Variants in TNNI3K observed in about 807,000 individuals in gnomAD.
TNNI3K encodes serine/threonine-protein kinase TNNI3K.
TNNI3K carries 140 observed loss-of-function variants against 114.5 expected under a neutral mutation model. The ratio of observed to expected loss-of-function variants is 1.22; its 90% CI spans 1.07 to 1.41. The LOEUF (loss-of-function observed/expected upper bound fraction) is 1.41. Among genes scored for constraint, TNNI3K ranks in the 40% most tolerant of loss-of-function variants. The pLI is 0.00. For synonymous variants in TNNI3K, 347 were observed against 347.5 expected (o/e 1.00, Z 0.02); for missense variants, 1,125 against 1,007.6 (o/e 1.12, Z -1.58).
chr1:74,360,740 ATTTC>A (rs892962964), intron 11 of TNNI3K, among the ~76,000 whole-genome samples: 2 of 152,008 alleles, frequency 1.3e-5, no homozygotes, highest in Non-Finnish European at 2.9e-5. Context: ...CTTATTGAAT[ATTTC>A]TAGAAAGTCT....
rs544877082 is a variant in TNNI3K, at chr1:74,423,555, T to C, written c.1773-12525T>C. Among the ~76,000 whole-genome samples the C allele has an allele frequency of 9.9e-5, 15 of 152,256 alleles. No homozygotes were observed. The East Asian group carries it at 2.9e-3, about 29-fold the overall frequency. Reference sequence around the variant, plus strand: ...AATGTGTGACCTTATACCTCAGTTGTAAAGATGAAGTATTAATATTACCAT... The same window carrying C: ...AATGTGTGACCTTATACCTCAGTTGCAAAGATGAAGTATTAATATTACCAT... On this transcript the variant is annotated intron_variant, in intron 17 of 24. Transcript: ENST00000326637.
intron 21 of TNNI3K, among the ~76,000 whole-genome samples, chr1:74,484,422 T>C (rs911032779): frequency 6.6e-6 from 1 of 152,170 alleles, no homozygotes; most frequent in Non-Finnish European, 1.5e-5. Flanking sequence ...CCTTGTGAAG[T>C]GTACTTTCTA....
At chr1:74,456,933 G>T (rs886418992) in intron 20 of TNNI3K, among the ~76,000 whole-genome samples, 2 of 152,104 alleles carry the variant, frequency 1.3e-5, no homozygotes, top group African/African-American at 4.8e-5. Flanking sequence ...TAAAGACACA[G>T]ATATTCAATA....
chr1:74,375,682 C>A, intron 17 of TNNI3K: 1 of 444,722 alleles, frequency 2.2e-6, no homozygotes, highest in African/African-American at 2.0e-5. Context: ...CCTATGATAT[C>A]ATCTCCAACC....
intron 21 of TNNI3K, among the ~76,000 whole-genome samples, chr1:74,465,540 C>G (rs1489523973): frequency 5.9e-5 from 9 of 152,072 alleles, no homozygotes; most frequent in Non-Finnish European, 8.8e-5. Flanking sequence ...CCGAGTCCCC[C>G]CCCAACCGTG....
At chr1:74,377,731 T>G (rs977846287) in intron 17 of TNNI3K, among the ~76,000 whole-genome samples, 1 of 151,772 alleles carries the variant, frequency 6.6e-6, no homozygotes, top group Non-Finnish European at 1.5e-5. Flanking sequence ...TCTGTGTAGA[T>G]TCTACACTCC....
chr1:74,308,650 A>G (rs1427450603), intron 5 of TNNI3K, among the ~76,000 whole-genome samples: 1 of 152,152 alleles, frequency 6.6e-6, no homozygotes, highest in Non-Finnish European at 1.5e-5. Flanking sequence ...AGAAACAACT[A>G]AAATCAGAGC....
rs144770709 is a variant in TNNI3K at position 74,327,124 on chromosome 1, C to A, written c.445-4326C>A. Among the ~76,000 whole-genome samples, 22 of 150,058 alleles carry A rather than the reference C, an allele frequency of 1.5e-4. No homozygotes were observed. In the East Asian group the frequency reaches 4.3e-3, roughly 29 times the overall value. On this transcript the variant is annotated intron_variant, in intron 5 of 24. Coordinates refer to ENST00000326637, the MANE Select transcript of TNNI3K (RefSeq NM_015978.3). The stretch of plus-strand genomic sequence containing the variant: ...AAAAGAAAAAGCAGAATGTGCAAAT[C>A]GTGTTTAAATTACAAGCTAGAAACT...
chr1:74,501,033 G>T (rs1669598887), intron 23 of TNNI3K, among the ~76,000 whole-genome samples: 2 of 152,146 alleles, frequency 1.3e-5, no homozygotes, highest in South Asian at 4.2e-4. Context: ...ATAATCCTCA[G>T]CTGTTGTCTC....
chr1:74,466,285 A>C (rs1667678283), intron 21 of TNNI3K, among the ~76,000 whole-genome samples: 3 of 152,182 alleles, frequency 2.0e-5, no homozygotes, highest in Admixed American at 2.0e-4. Context: ...AATCAAGGGA[A>C]TCCCTTTTTC....
chr1:74,458,282 A>G (rs1215905900), intron 20 of TNNI3K, among the ~76,000 whole-genome samples: 1 of 152,176 alleles, frequency 6.6e-6, no homozygotes, highest in Non-Finnish European at 1.5e-5. Flanking sequence ...GTTTGCCACG[A>G]TTATACTCTG....
intron 17 of TNNI3K, among the ~76,000 whole-genome samples, chr1:74,426,137 G>C (rs1044710843): frequency 6.6e-6 from 1 of 152,114 alleles, no homozygotes; most frequent in Non-Finnish European, 1.5e-5. Flanking sequence ...GTTCGCTAAG[G>C]GGAGATGGAG....
rs1270087212 is a variant in TNNI3K, at chr1:74,532,632, C to T, written c.2352-7602C>T. Among the ~76,000 whole-genome samples the T allele has an allele frequency of 2.0e-5, 3 of 151,850 alleles. No homozygotes were observed. In the East Asian group the frequency reaches 5.8e-4, roughly 29 times the overall value. ...TAATGCTATCCCTCCCCCCTCGCCC[C>T]ACCCCACAGCAGTCCCCAGAGTGTG... On this transcript the variant is annotated intron_variant, in intron 23 of 24. Transcript: ENST00000326637.
intron 17 of TNNI3K, among the ~76,000 whole-genome samples, chr1:74,391,160 T>G (rs1663748985): frequency 6.6e-6 from 1 of 152,194 alleles, no homozygotes; most frequent in Non-Finnish European, 1.5e-5. Context: ...CTTTATTTAT[T>G]TGTTCATTCG....
chr1:74,532,565 G>T (rs1646603261), intron 23 of TNNI3K, among the ~76,000 whole-genome samples: 1 of 151,728 alleles, frequency 6.6e-6, no homozygotes, highest in Admixed American at 6.6e-5. Flanking sequence ...ATGCTGGTGT[G>T]CTGCACCCAA....
At chr1:74,385,824 T>G (rs1436285652) in intron 17 of TNNI3K, among the ~76,000 whole-genome samples, 1 of 152,194 alleles carries the variant, frequency 6.6e-6, no homozygotes, top group Non-Finnish European at 1.5e-5. Flanking sequence ...TGACAGAAAC[T>G]ACTCCTTAGC....
At position 74,470,835 on chromosome 1, in the gene TNNI3K, T is replaced by C. The variant is rs143941686; in HGVS notation, c.2121+7285T>C. 1,477 of 400,688 alleles carry C rather than the reference T, an allele frequency of 3.7e-3. 18 individuals are homozygous for C. The highest frequency in any genetic ancestry group is 0.028 in the African/African-American group (1,372 of 48,806). 24.8% of individuals were successfully genotyped at this position (400,688 alleles called of 1,614,324 possible). A position where few individuals can be genotyped will look rare whatever the true frequency, so the allele number is the denominator to read the frequency against. On this transcript the variant is annotated intron_variant, in intron 21 of 24. Transcript: ENST00000326637. ...CAGTCTTGTGAGCATCTAAAAGTTG[T>C]GTTTGATTCCTCGGGGACAAAGAAA...
chr1:74,471,158 T>C (rs999357296), intron 21 of TNNI3K: 8 of 400,614 alleles, frequency 2.0e-5, no homozygotes, highest in Non-Finnish European at 3.5e-5. Flanking sequence ...CTGCTTTCTA[T>C]AGAGCTCTGG....
chr1:74,265,795 T>C lies in TNNI3K; in HGVS notation c.334-5803T>C, dbSNP rs193148622. Among the ~76,000 whole-genome samples, 40 of 151,974 alleles carry C rather than the reference T, an allele frequency of 2.6e-4. 1 individual carries two copies. The Middle Eastern group carries it at 0.01, about 39-fold the overall frequency. On this transcript the variant is annotated intron_variant, in intron 4 of 24. Coordinates refer to ENST00000326637, the MANE Select transcript of TNNI3K (RefSeq NM_015978.3). Reference sequence around the variant, plus strand: ...ACAGCTCAAAAGGTTAAGAAACATGTCGCAAATGTAGGAAGTGCCCATCAA... The same window carrying C: ...ACAGCTCAAAAGGTTAAGAAACATGCCGCAAATGTAGGAAGTGCCCATCAA...
Sources: allele counts gnomAD v4.1 joint callset (sites outside exome capture counted in the v4.1 genomes callset), GRCh38; gene constraint gnomAD v4.1.1; transcripts MANE v1.5; gene names NCBI Gene and HGNC (gene_info 2026-07-23, HGNC 2026-07-21).